The following CNTN1 variants were observed in gnomAD, a reference collection of about 807,000 sequenced individuals.
CNTN1 encodes contactin 1.
Under a neutral mutation model 126.4 loss-of-function variants are expected in CNTN1, and 38 were observed. The ratio of observed to expected loss-of-function variants is 0.30; its 90% confidence interval spans 0.23 to 0.39. CNTN1 has a LOEUF of 0.39. Among genes scored for constraint, CNTN1 ranks in the 10% least tolerant of loss-of-function variants. The pLI is 1.00. For synonymous variants in CNTN1, 413 were observed against 422.6 expected, an observed-to-expected ratio of 0.98 and a Z score of 0.28; for missense variants, 1,009 against 1,248.4, an observed-to-expected ratio of 0.81 and a Z score of 2.89.
chr12:40,838,011 G>A (rs1444606161), intron 1 of CNTN1, among the ~76,000 whole-genome samples: 3 of 152,072 alleles, frequency 2.0e-5, no homozygotes, highest in South Asian at 2.1e-4. Flanking sequence ...GCTTCTCCCC[G>A]GAGCATTGCA....
intron 1 of CNTN1, among the ~76,000 whole-genome samples, chr12:40,808,492 G>A (rs984410241): frequency 2.0e-5 from 3 of 152,058 alleles, no homozygotes; most frequent in Non-Finnish European, 4.4e-5. Flanking sequence ...GATAAAATAG[G>A]TGTAAATAAT....
intron 3 of CNTN1, among the ~76,000 whole-genome samples, chr12:40,917,070 G>C (rs1945273269): frequency 8.0e-6 from 1 of 124,496 alleles, no homozygotes. Flanking sequence ...GCGGGGGGGG[G>C]GGCAGAACTA....
At chr12:40,910,944 G>GT (rs767990281) in intron 3 of CNTN1, among the ~76,000 whole-genome samples, 6 of 152,158 alleles carry the variant, frequency 3.9e-5, no homozygotes, top group Non-Finnish European at 7.3e-5. Flanking sequence ...GTTACCCATT[G>GT]TATTAGTCTG....
chr12:40,902,244 T>C (rs1286562886), intron 1 of CNTN1, among the ~76,000 whole-genome samples: 2 of 152,192 alleles, frequency 1.3e-5, no homozygotes, highest in Non-Finnish European at 2.9e-5. Context: ...ATAACACTCT[T>C]AGTAGGAACT....
At chr12:40,827,849 G>A (rs1027917065) in intron 1 of CNTN1, among the ~76,000 whole-genome samples, 1 of 152,182 alleles carries the variant, frequency 6.6e-6, no homozygotes, top group African/African-American at 2.4e-5. Flanking sequence ...ACTACAGGAA[G>A]AGCATTGAAG....
intron 1 of CNTN1, among the ~76,000 whole-genome samples, chr12:40,796,084 C>T (rs1006238465): frequency 6.6e-6 from 1 of 151,904 alleles, no homozygotes; most frequent in Non-Finnish European, 1.5e-5. Flanking sequence ...TGATCGATGA[C>T]CAGTGAACAA....
At chr12:40,810,154 G>A (rs1274754859) in intron 1 of CNTN1, among the ~76,000 whole-genome samples, 1 of 152,106 alleles carries the variant, frequency 6.6e-6, no homozygotes, top group East Asian at 1.9e-4. Flanking sequence ...ATCAAGTATT[G>A]TAGCGAATTT....
At chr12:41,057,201 T>TA (rs1949844492) in intron 23 of CNTN1, among the ~76,000 whole-genome samples, 9 of 143,830 alleles carry the variant, frequency 6.3e-5, no homozygotes, top group Non-Finnish European at 1.4e-4. Context: ...ATTTATATTA[T>TA]TATATTTAGA....
At chr12:41,065,001 T>C (rs1566251105) in intron 23 of CNTN1, among the ~76,000 whole-genome samples, 1 of 152,184 alleles carries the variant, frequency 6.6e-6, no homozygotes, top group Non-Finnish European at 1.5e-5. Context: ...GTGATACTGT[T>C]CCCAATATAT....
At chr12:40,760,047 A>G in intron 1 of CNTN1, among the ~76,000 whole-genome samples, 1 of 152,036 alleles carries the variant, frequency 6.6e-6, no homozygotes, top group African/African-American at 2.4e-5. Context: ...AATACCTTAG[A>G]TCTGGAATCA....
intron 12 of CNTN1, among the ~76,000 whole-genome samples, chr12:40,943,287 T>G (rs1946320524): frequency 6.6e-6 from 1 of 152,114 alleles, no homozygotes; most frequent in Non-Finnish European, 1.5e-5. Flanking sequence ...AGGTTACATT[T>G]CTGGGAGACC....
chr12:40,909,436 T>A (rs1012375586), intron 2 of CNTN1, among the ~76,000 whole-genome samples: 2 of 151,968 alleles, frequency 1.3e-5, no homozygotes, highest in African/African-American at 4.8e-5. Flanking sequence ...ACTTTCATGA[T>A]AATGACCTAA....
intron 23 of CNTN1, among the ~76,000 whole-genome samples, chr12:41,062,951 A>G (rs2044725448): frequency 6.6e-6 from 1 of 152,230 alleles, no homozygotes; most frequent in South Asian, 2.1e-4. Flanking sequence ...GAACCCCAGA[A>G]AATTCCCAAC....
At chr12:40,984,542 C>A (rs1566090456) in intron 16 of CNTN1, among the ~76,000 whole-genome samples, 1 of 152,144 alleles carries the variant, frequency 6.6e-6, no homozygotes, top group Admixed American at 6.6e-5. Flanking sequence ...TCGTAACAAT[C>A]AGTTCTTGCA....
chr12:40,987,571 T>A (rs756794249), intron 16 of CNTN1, among the ~76,000 whole-genome samples: 7 of 152,210 alleles, frequency 4.6e-5, no homozygotes, highest in Non-Finnish European at 8.8e-5. Flanking sequence ...AACCATGCTA[T>A]GAGAAATAGT....
chr12:40,712,499 A>C (rs935600259), intron 1 of CNTN1, among the ~76,000 whole-genome samples: 1 of 152,100 alleles, frequency 6.6e-6, no homozygotes, highest in Non-Finnish European at 1.5e-5. Context: ...TGCCTTGAGA[A>C]GCACATATGC....
chr12:40,791,748 G>A (rs542784248), intron 1 of CNTN1, among the ~76,000 whole-genome samples: 1 of 152,144 alleles, frequency 6.6e-6, no homozygotes, highest in South Asian at 2.1e-4. Flanking sequence ...ACGCAAAAAT[G>A]GTCTCCAAAA....
chr12:40,881,477 G>C (rs570606853), intron 1 of CNTN1, among the ~76,000 whole-genome samples: 42 of 151,870 alleles, frequency 2.8e-4, no homozygotes, highest in African/African-American at 9.6e-4. Context: ...CTAAACTTTT[G>C]CAAGTTACAG....
intron 1 of CNTN1, among the ~76,000 whole-genome samples, chr12:40,899,981 G>A (rs61316179): frequency 1.5e-4 from 23 of 152,084 alleles, no homozygotes; most frequent in South Asian, 8.3e-4. Flanking sequence ...AAATCTGTAC[G>A]GAATAGAAAC....
Sources: gnomAD v4.1 joint callset for allele counts (sites outside exome capture counted in the v4.1 genomes callset) on GRCh38, gnomAD v4.1.1 for gene constraint, MANE v1.5 for transcripts, NCBI Gene and HGNC (gene_info 2026-07-23, HGNC 2026-07-21) for gene names.